Variants in SULT1C3 observed in about 807,000 individuals in gnomAD.
The protein encoded by SULT1C3 is sulfotransferase family 1C member 3.
SULT1C3 carries 31 observed loss-of-function variants against 28.4 expected under a neutral mutation model. The observed-to-expected ratio is 1.09, with a 90% CI of 0.82 to 1.47. The LOEUF (loss-of-function observed/expected upper bound fraction) is 1.47. SULT1C3 is among the 40% of genes most tolerant of loss of function. SULT1C3 has a pLI of 0.00. For synonymous variants in SULT1C3, 106 were observed against 92.2 expected (o/e 1.15, Z -0.86); for missense variants, 307 against 272.5 (o/e 1.13, Z -0.89).
chr2:108,254,028 T>C (rs1675799949), intron 4 of SULT1C3, among the ~76,000 whole-genome samples: 1 of 151,908 alleles, frequency 6.6e-6, no homozygotes, highest in African/African-American at 2.4e-5. Context: ...TGCCTCCCAC[T>C]TTGTCAGCCT....
chr2:108,247,731 A>G (rs1675624085), intron 2 of SULT1C3, among the ~76,000 whole-genome samples: 1 of 152,180 alleles, frequency 6.6e-6, no homozygotes, highest in Non-Finnish European at 1.5e-5. Flanking sequence ...ATATTAATCT[A>G]TTATCTCAGA....
chr2:108,265,100 A>T, downstream of SULT1C3: 1 of 1,479,188 alleles, frequency 6.8e-7, no homozygotes, highest in South Asian at 1.3e-5. Context: ...TCCATTATTT[A>T]TTCTTTCCAG....
chr2:108,257,394 T>G (rs1675892284), intron 5 of SULT1C3, among the ~76,000 whole-genome samples: 1 of 152,048 alleles, frequency 6.6e-6, no homozygotes, highest in Admixed American at 6.6e-5. Flanking sequence ...TATGTACATT[T>G]ATCTATATGT....
chr2:108,241,184 G>A (rs886350199), intron 1 of SULT1C3, among the ~76,000 whole-genome samples: 4 of 152,232 alleles, frequency 2.6e-5, no homozygotes, highest in East Asian at 1.9e-4. Flanking sequence ...TTGGCTCTGC[G>A]TGTCACGCTT....
chr2:108,256,037 T>C (rs182882706), intron 5 of SULT1C3, among the ~76,000 whole-genome samples: 1 of 152,140 alleles, frequency 6.6e-6, no homozygotes, highest in East Asian at 1.9e-4. Context: ...TGCGGTTTCA[T>C]CTTGCAGTGT....
At chr2:108,246,084 C>G (rs1668756051) in intron 1 of SULT1C3, among the ~76,000 whole-genome samples, 1 of 152,122 alleles carries the variant, frequency 6.6e-6, no homozygotes, top group African/African-American at 2.4e-5. Context: ...TACTTCAGTT[C>G]CCAACAAGAT....
downstream of SULT1C3, chr2:108,264,862 T>C: frequency 6.2e-7 from 1 of 1,613,392 alleles, no homozygotes; most frequent in Non-Finnish European, 8.5e-7. Context: ...CTGAAGTTCC[T>C]GGAAAAAGAC....
chr2:108,240,250 C>T (rs1396015022), intron 1 of SULT1C3, among the ~76,000 whole-genome samples, 167 bp downstream of exon 1: 1 of 152,196 alleles, frequency 6.6e-6, no homozygotes, highest in Non-Finnish European at 1.5e-5. Flanking sequence ...CTGAATGCCT[C>T]ATGCATCTTC....
chr2:108,243,328 CCTT>C (rs1400956402), intron 1 of SULT1C3, among the ~76,000 whole-genome samples: 1 of 152,082 alleles, frequency 6.6e-6, no homozygotes, highest in East Asian at 1.9e-4. Context: ...GGTAACAGCT[CCTT>C]CTTAAGATAT....
At position 108,247,276 on chromosome 2, in the gene SULT1C3, A is replaced by T. The variant is rs1312520667; in HGVS notation, c.82A>T (p.Thr28Ser). Residue 28 changes from threonine (T) to serine (S), a missense_variant, in exon 2 of 8, where the codon ACG (threonine) becomes TCG (serine). Thr to Ser is a moderately conservative substitution (Grantham distance 58). Coordinates refer to ENST00000681802, the MANE Select transcript of SULT1C3 (RefSeq NM_001320878.2). ...FNIMEVDGVP[T>S]LILSKEWWEK... is the part of the protein sequence containing the mutation. ...CATCATGGAAGTAGATGGAGTCCCT[A>T]CGTTGATATTATCAAAAGAATGGTG... is the stretch of plus-strand genomic sequence containing the variant. 1.9e-6 allele frequency: 3 copies of T among 1,597,370 alleles called. No homozygotes were observed. Among genetic ancestry groups the T allele is most frequent in the Non-Finnish European group, 8.5e-7 (1 of 1,170,718 alleles).
intron 2 of SULT1C3, among the ~76,000 whole-genome samples, chr2:108,248,430 A>T (rs929528933): frequency 3.9e-5 from 6 of 152,198 alleles, no homozygotes; most frequent in African/African-American, 1.4e-4. Flanking sequence ...GGGTATAGTT[A>T]TAGGGTGCAA....
At position 108,247,237 on chromosome 2, in the gene SULT1C3, C is replaced by A. The variant is rs747798516; in HGVS notation, c.43C>A (p.Pro15Thr). ...AAACGCTCCCACGATGGAAAAAAAG[C>A]CAGAACTGTTTAACATCATGGAAGT... ...EKNAPTMEKK[P>T]ELFNIMEVDG... The change falls in exon 2 of 8, where the codon CCA (proline) becomes ACA (threonine). Residue 15 changes from proline (P) to threonine (T), a missense_variant. Physicochemically the swap from Pro to Thr is conservative, Grantham distance 38. Coordinates refer to ENST00000681802, the MANE Select transcript of SULT1C3 (RefSeq NM_001320878.2). 2.6e-6 allele frequency: 4 copies of A among 1,567,782 alleles called. No homozygotes were observed. Among genetic ancestry groups the A allele is most frequent in the Non-Finnish European group, 3.5e-6 (4 of 1,154,832 alleles).
At chr2:108,245,300 C>A (rs764020826) in intron 1 of SULT1C3, among the ~76,000 whole-genome samples, 11 of 151,906 alleles carry the variant, frequency 7.2e-5, no homozygotes, top group Admixed American at 1.3e-4. Flanking sequence ...GTGTGGCCTG[C>A]GTGCCTTCCA....
At chr2:108,250,031 GA>G (rs968250094) in intron 2 of SULT1C3, among the ~76,000 whole-genome samples, 9 of 151,760 alleles carry the variant, frequency 5.9e-5, no homozygotes, top group Non-Finnish European at 1.2e-4. Context: ...ATAATTTGGG[GA>G]AAAAAATGGA....
At chr2:108,250,420 T>A (rs139745336) in intron 2 of SULT1C3, among the ~76,000 whole-genome samples, 263 of 152,132 alleles carry the variant, frequency 1.7e-3, no homozygotes, top group African/African-American at 6.2e-3. Flanking sequence ...TAAGTGTTGA[T>A]AAGGACACAG....
downstream of SULT1C3, among the ~76,000 whole-genome samples, chr2:108,262,115 T>C (rs1676038628): frequency 6.6e-6 from 1 of 152,018 alleles, no homozygotes; most frequent in African/African-American, 2.4e-5. Context: ...AGAGAAGAGA[T>C]TTCCTCTAGT....
chr2:108,260,813 A>G lies in SULT1C3; in HGVS notation c.*133A>G, dbSNP rs1676006976. 3.2e-6 allele frequency: 1 copy of G among 310,576 alleles called. No individual in the cohort carries two copies. Among genetic ancestry groups the G allele is most frequent in the Non-Finnish European group, 6.5e-6 (1 of 153,628 alleles). The allele number at this position is 310,576 out of a possible 1,614,324, so 19.2% of individuals were successfully genotyped here. Reference sequence around the variant, plus strand: ...TCTCCTATAGTGTGGCTAGTTTGCTATAATATTAAAACATGATTTAAAATA... The same window carrying G: ...TCTCCTATAGTGTGGCTAGTTTGCTGTAATATTAAAACATGATTTAAAATA... On this transcript the variant is annotated 3_prime_UTR_variant, in exon 8 of 8. Transcript: ENST00000681802.
intron 1 of SULT1C3, among the ~76,000 whole-genome samples, chr2:108,246,961 CTT>C (rs1348398338): frequency 6.6e-6 from 1 of 152,102 alleles, no homozygotes. Context: ...CTTATAATGA[CTT>C]AAGTTTCCAC....
At chr2:108,259,907 C>T (rs1168958691) in intron 7 of SULT1C3, among the ~76,000 whole-genome samples, 1 of 152,072 alleles carries the variant, frequency 6.6e-6, no homozygotes. Context: ...AACAGTGACC[C>T]CATTCCAGAA....
Sources: allele counts gnomAD v4.1 joint callset (sites outside exome capture counted in the v4.1 genomes callset), GRCh38; gene constraint gnomAD v4.1.1; transcripts MANE v1.5; gene names NCBI Gene and HGNC (gene_info 2026-07-23, HGNC 2026-07-21).